Variants in STAU2 observed in about 807,000 individuals in gnomAD.
The protein encoded by STAU2 is double-stranded RNA-binding protein Staufen homolog 2.
Under a neutral mutation model 65.9 loss-of-function variants are expected in STAU2, and 20 were observed. That is an observed-to-expected ratio of 0.30 (90% CI 0.21 to 0.44). STAU2 has a LOEUF of 0.44. Ranked by LOEUF, STAU2 falls within the 20% of genes least tolerant of loss-of-function variation. The pLI is 1.00. For missense variants in STAU2, 558 were observed against 683.9 expected, an observed-to-expected ratio of 0.82 and a Z score of 2.05; for synonymous variants, 232 against 233.9, an observed-to-expected ratio of 0.99 and a Z score of 0.07.
intron 13 of STAU2, among the ~76,000 whole-genome samples, chr8:73,425,178 G>T (rs1459068149): frequency 6.6e-6 from 1 of 152,202 alleles, no homozygotes; most frequent in East Asian, 1.9e-4. Context: ...CTCAGAATGG[G>T]GCCTTATAGA....
At chr8:73,422,505 T>C in intron 14 of STAU2, 109 bp downstream of exon 14, 1 of 737,914 alleles carries the variant, frequency 1.4e-6, no homozygotes, top group Non-Finnish European at 2.0e-6. Context: ...TTAATAATTG[T>C]GTAAGATGTA....
At chr8:73,537,475 A>C (rs1245839205) in intron 13 of STAU2, among the ~76,000 whole-genome samples, 1 of 152,216 alleles carries the variant, frequency 6.6e-6, no homozygotes, top group African/African-American at 2.4e-5. Flanking sequence ...GAAAGAAGTG[A>C]GAGAGAAACA....
At chr8:73,504,753 A>G (rs890155892) in intron 13 of STAU2, among the ~76,000 whole-genome samples, 6 of 151,842 alleles carry the variant, frequency 4.0e-5, no homozygotes, top group African/African-American at 1.5e-4. Context: ...TGAGGATTTT[A>G]TATAGATTTT....
At chr8:73,558,024 G>A (rs1235044946) in intron 12 of STAU2, among the ~76,000 whole-genome samples, 1 of 152,186 alleles carries the variant, frequency 6.6e-6, no homozygotes, top group African/African-American at 2.4e-5. Flanking sequence ...CTGAAGCATG[G>A]AGAAGATATG....
intron 6 of STAU2, among the ~76,000 whole-genome samples, chr8:73,644,840 C>T (rs1401118093): frequency 1.3e-5 from 2 of 152,026 alleles, no homozygotes; most frequent in African/African-American, 4.8e-5. Context: ...GACAATTAGA[C>T]AAAATGAGCC....
chr8:73,504,227 A>G (rs1340628927), intron 13 of STAU2, among the ~76,000 whole-genome samples: 2 of 152,094 alleles, frequency 1.3e-5, no homozygotes, highest in East Asian at 3.9e-4. Context: ...AATGACTTCT[A>G]ATAGCTTCCT....
rs182483134 is a variant in STAU2, at chr8:73,737,334, C to T, written c.-18+950G>A. ...TACAGGCACGCACCACCATGCCTGG[C>T]TAATTTTGTATTTTTTAGTAGAGAC... On this transcript the variant is annotated intron_variant, in intron 3 of 14. Coordinates refer to ENST00000524300, the MANE Select transcript of STAU2 (RefSeq NM_001164380.2). 5.7e-3 allele frequency among the ~76,000 whole-genome samples: 865 copies of T among 151,430 alleles called. 6 individuals are homozygous for T. The highest frequency in any genetic ancestry group is 0.02 in the African/African-American group (821 of 41,220).
intron 13 of STAU2, among the ~76,000 whole-genome samples, chr8:73,512,269 T>C (rs1226610575): frequency 6.6e-6 from 1 of 152,192 alleles, no homozygotes; most frequent in Non-Finnish European, 1.5e-5. Flanking sequence ...GATCAGCTTG[T>C]CAACTGCTAT....
intron 5 of STAU2, among the ~76,000 whole-genome samples, 155 bp downstream of exon 5, chr8:73,688,489 CGTGTGTGTGT>C (rs34713766): frequency 8.2e-4 from 120 of 146,968 alleles, no homozygotes; most frequent in African/African-American, 2.7e-3. Context: ...TTTATGCTAC[CGTGTGTGTGT>C]GTGTGTGTGT....
chr8:73,598,226 C>CTT lies in STAU2; in HGVS notation c.1030-2931_1030-2930dup, dbSNP rs138249622. 2.0e-3 allele frequency among the ~76,000 whole-genome samples: 257 copies of CTT among 129,306 alleles called. 1 individual carries two copies. Among genetic ancestry groups the CTT allele is most frequent in the Admixed American group, 3.7e-3 (47 of 12,632 alleles). 84.8% of individuals were successfully genotyped at this position (129,306 alleles called of 152,430 possible). On this transcript the variant is annotated intron_variant, in intron 10 of 14. Coordinates refer to ENST00000524300, the MANE Select transcript of STAU2 (RefSeq NM_001164380.2). ...TTAGCAAACTAGGAAAAGAAGAAAACTTTTTTTTTTTTTTTTTTTGGGATG... is the reference window on the plus strand; with the variant it reads ...TTAGCAAACTAGGAAAAGAAGAAAACTTTTTTTTTTTTTTTTTTTTTGGGATG...
chr8:73,667,218 G>A (rs1376862490), intron 6 of STAU2, among the ~76,000 whole-genome samples: 1 of 151,938 alleles, frequency 6.6e-6, no homozygotes, highest in Admixed American at 6.6e-5. Flanking sequence ...CAACAACATT[G>A]TCGTAATTCT....
intron 13 of STAU2, among the ~76,000 whole-genome samples, chr8:73,432,374 A>C (rs1817364807): frequency 6.6e-6 from 1 of 152,228 alleles, no homozygotes; most frequent in Admixed American, 6.5e-5. Context: ...TTCTCATCCC[A>C]GCAATCTCTG....
intron 13 of STAU2, among the ~76,000 whole-genome samples, chr8:73,460,716 G>T (rs1399885055): frequency 2.0e-5 from 3 of 152,096 alleles, no homozygotes; most frequent in African/African-American, 7.2e-5. Context: ...GTTGCTTCTG[G>T]AATGACAGCC....
At chr8:73,580,512 T>C (rs6994418) in intron 12 of STAU2, among the ~76,000 whole-genome samples, 48,226 of 152,118 alleles carry the variant, frequency 0.32, 9,385 homozygotes, top group African/African-American at 0.56. Flanking sequence ...ATGCTAACTC[T>C]GGTATTCTTC....
At chr8:73,665,075 C>G (rs748741084) in intron 6 of STAU2, among the ~76,000 whole-genome samples, 1 of 152,062 alleles carries the variant, frequency 6.6e-6, no homozygotes, top group African/African-American at 2.4e-5. Flanking sequence ...GCTTTGGTAA[C>G]TTGTTCAAAT....
At chr8:73,725,778 T>C (rs971046250) in intron 3 of STAU2, among the ~76,000 whole-genome samples, 4 of 151,974 alleles carry the variant, frequency 2.6e-5, no homozygotes, top group Non-Finnish European at 1.5e-5. Context: ...ACAAAATATA[T>C]AAAAATTAGC....
chr8:73,460,527 G>T (rs1585801914), intron 13 of STAU2, among the ~76,000 whole-genome samples: 1 of 152,230 alleles, frequency 6.6e-6, no homozygotes, highest in East Asian at 1.9e-4. Context: ...AGAGGTAAAG[G>T]ATGGCTAAAT....
At chr8:73,484,533 T>C (rs1820811659) in intron 13 of STAU2, among the ~76,000 whole-genome samples, 1 of 152,136 alleles carries the variant, frequency 6.6e-6, no homozygotes, top group African/African-American at 2.4e-5. Context: ...TACGATTTAC[T>C]ATATAGTGAG....
chr8:73,426,169 CTT>C lies in STAU2; in HGVS notation c.1531-3469_1531-3468del, dbSNP rs60313895. ...ATGTCTTAACACTGTAGGTAACCTG[CTT>C]TTTTTTTTTTCAATGATAAATAATA... On this transcript the variant is annotated intron_variant, in intron 13 of 14. Transcript: ENST00000524300. 1.0e-3 allele frequency among the ~76,000 whole-genome samples: 147 copies of C among 147,578 alleles called. 1 individual carries two copies. Among genetic ancestry groups the C allele is most frequent in the African/African-American group, 3.5e-3 (143 of 40,586 alleles).
Sources: allele counts gnomAD v4.1 joint callset (sites outside exome capture counted in the v4.1 genomes callset), GRCh38; gene constraint gnomAD v4.1.1; transcripts MANE v1.5; gene names NCBI Gene and HGNC (gene_info 2026-07-23, HGNC 2026-07-21).